Variants in MYO1D observed in about 807,000 individuals in gnomAD.
MYO1D encodes the protein unconventional myosin-Id.
A neutral mutation model predicts 122.0 loss-of-function variants in MYO1D; 83 were observed. That is an observed-to-expected ratio of 0.68 (90% confidence interval 0.57 to 0.82). The LOEUF is 0.82. Among genes scored for constraint, MYO1D ranks in the 40% least tolerant of loss-of-function variants. The pLI, the probability that MYO1D is intolerant of heterozygous loss-of-function variation, is 0.00. For synonymous variants in MYO1D, 464 were observed against 446.9 expected (o/e 1.04, Z -0.48); for missense variants, 1,157 against 1,269.5 (o/e 0.91, Z 1.35).
At chr17:32,789,928 C>G (rs1278369959) in intron 1 of MYO1D, among the ~76,000 whole-genome samples, 1 of 152,064 alleles carries the variant, frequency 6.6e-6, no homozygotes, top group Admixed American at 6.6e-5. Context: ...TATTTTAAGC[C>G]CCCCTGGTTT....
chr17:32,863,471 A>G (rs1446568999), intron 1 of MYO1D, among the ~76,000 whole-genome samples: 1 of 152,216 alleles, frequency 6.6e-6, no homozygotes, highest in Admixed American at 6.5e-5. Flanking sequence ...GACAGCCAAA[A>G]CCCAGAGAGG....
At chr17:32,858,509 A>C (rs1314339720) in intron 1 of MYO1D, among the ~76,000 whole-genome samples, 2 of 152,200 alleles carry the variant, frequency 1.3e-5, no homozygotes, top group Non-Finnish European at 2.9e-5. Flanking sequence ...CTGGCCTTCA[A>C]TCTGAGCTTG....
chr17:32,659,655 A>G (rs1380803579), intron 16 of MYO1D, among the ~76,000 whole-genome samples: 2 of 152,220 alleles, frequency 1.3e-5, no homozygotes, highest in Admixed American at 6.5e-5. Flanking sequence ...CTTTGGATAA[A>G]TATTTTAGGA....
At chr17:32,811,372 C>T (rs2090570422) in intron 1 of MYO1D, among the ~76,000 whole-genome samples, 1 of 152,162 alleles carries the variant, frequency 6.6e-6, no homozygotes, top group Non-Finnish European at 1.5e-5. Flanking sequence ...CCTTTCTTCC[C>T]CTCCCTATGT....
chr17:32,698,333 C>T (rs1485828324), intron 16 of MYO1D, among the ~76,000 whole-genome samples: 2 of 97,836 alleles, frequency 2.0e-5, no homozygotes, highest in African/African-American at 4.0e-5. Context: ...TTCCTTCTTT[C>T]CTTCCTTCCT....
chr17:32,532,736 A>C (rs1046261725), intron 21 of MYO1D, among the ~76,000 whole-genome samples: 2 of 151,832 alleles, frequency 1.3e-5, no homozygotes, highest in African/African-American at 4.8e-5. Context: ...AAAAAAAAAA[A>C]AAAAAAACCA....
intron 21 of MYO1D, among the ~76,000 whole-genome samples, chr17:32,558,775 AG>A (rs905645136): frequency 1.3e-5 from 2 of 152,218 alleles, no homozygotes; most frequent in African/African-American, 4.8e-5. Context: ...TACATCTGAC[AG>A]GGAGTATAGT....
intron 1 of MYO1D, among the ~76,000 whole-genome samples, chr17:32,825,213 A>G (rs1567660454): frequency 1.3e-5 from 2 of 152,246 alleles, no homozygotes; most frequent in African/African-American, 2.4e-5. Context: ...AAAAATTTCC[A>G]TAATACATTA....
intron 1 of MYO1D, among the ~76,000 whole-genome samples, chr17:32,839,107 G>C (rs1237383208): frequency 6.6e-6 from 1 of 152,118 alleles, no homozygotes; most frequent in Non-Finnish European, 1.5e-5. Flanking sequence ...AAAACAAGCA[G>C]AGTAGGAACA....
intron 1 of MYO1D, among the ~76,000 whole-genome samples, chr17:32,838,705 G>A (rs897468956): frequency 2.0e-5 from 3 of 152,030 alleles, no homozygotes; most frequent in Admixed American, 2.0e-4. Context: ...TGTTCAGATA[G>A]GCATTTTAGA....
intron 3 of MYO1D, among the ~76,000 whole-genome samples, chr17:32,776,743 T>C (rs2151026460): frequency 6.6e-6 from 1 of 152,338 alleles, no homozygotes; most frequent in African/African-American, 2.4e-5. Flanking sequence ...TCTTTGAAGC[T>C]GTATGGAATT....
intron 20 of MYO1D, among the ~76,000 whole-genome samples, chr17:32,630,528 A>C (rs1442811077): frequency 1.3e-5 from 2 of 152,140 alleles, no homozygotes; most frequent in African/African-American, 2.4e-5. Context: ...ATTTCCTTGA[A>C]GTTCTGGAGG....
chr17:32,701,673 C>A (rs1030643061), intron 16 of MYO1D, among the ~76,000 whole-genome samples: 1 of 152,180 alleles, frequency 6.6e-6, no homozygotes, highest in Non-Finnish European at 1.5e-5. Context: ...AGTGATCTTC[C>A]TGCCTCAGGC....
At chr17:32,843,231 C>G (rs891675971) in intron 1 of MYO1D, among the ~76,000 whole-genome samples, 1 of 152,248 alleles carries the variant, frequency 6.6e-6, no homozygotes, top group East Asian at 1.9e-4. Context: ...CTCTTAAATT[C>G]AAGTTTTAAG....
intron 1 of MYO1D, among the ~76,000 whole-genome samples, chr17:32,781,784 A>C (rs1283146526): frequency 6.6e-6 from 1 of 152,130 alleles, no homozygotes; most frequent in Non-Finnish European, 1.5e-5. Flanking sequence ...TATGACTGCA[A>C]TTGTGCAACT....
intron 1 of MYO1D, among the ~76,000 whole-genome samples, chr17:32,876,485 G>A (rs947099673): frequency 2.6e-5 from 4 of 152,100 alleles, no homozygotes; most frequent in Non-Finnish European, 5.9e-5. Flanking sequence ...CTCCCGCGCG[G>A]CACACCCTCT....
intron 15 of MYO1D, among the ~76,000 whole-genome samples, chr17:32,713,774 C>T (rs2089408463): frequency 6.6e-6 from 1 of 152,128 alleles, no homozygotes. Context: ...TTACAGGCAA[C>T]TACCAAGCCC....
intron 21 of MYO1D, among the ~76,000 whole-genome samples, chr17:32,583,746 G>GTT (rs113513489): frequency 5.6e-5 from 8 of 143,366 alleles, no homozygotes; most frequent in African/African-American, 2.0e-4. Context: ...TTTGTTCTTT[G>GTT]TTTTTTTTTT....
chr17:32,835,596 G>A (rs754808898), intron 1 of MYO1D, among the ~76,000 whole-genome samples: 1 of 152,148 alleles, frequency 6.6e-6, no homozygotes, highest in African/African-American at 2.4e-5. Context: ...GGTTCTGCTT[G>A]AGATCACAGA....
Sources: allele counts gnomAD v4.1 joint callset (sites outside exome capture counted in the v4.1 genomes callset), GRCh38; gene constraint gnomAD v4.1.1; transcripts MANE v1.5; gene names NCBI Gene and HGNC (gene_info 2026-07-23, HGNC 2026-07-21).